Variants in VGLL4 observed in about 807,000 individuals in gnomAD.
The protein encoded by VGLL4 is transcription cofactor vestigial-like protein 4.
VGLL4 carries 7 observed loss-of-function variants against 21.0 expected under a neutral mutation model. The ratio of observed to expected loss-of-function variants is 0.33; its 90% CI spans 0.19 to 0.63. The LOEUF (loss-of-function observed/expected upper bound fraction) is 0.63, where lower values mean the gene tolerates loss of function less well. Ranked by LOEUF, VGLL4 falls within the 20% of genes least tolerant of loss-of-function variation. VGLL4 has a pLI of 0.78. For synonymous variants in VGLL4, 222 were observed against 173.2 expected, an observed-to-expected ratio of 1.28 and a Z score of -2.21; for missense variants, 394 against 425.7, an observed-to-expected ratio of 0.93 and a Z score of 0.66.
intron 2 of VGLL4, among the ~76,000 whole-genome samples, chr3:11,684,730 CTGTG>C (rs61220485): frequency 1.1e-4 from 16 of 148,784 alleles, no homozygotes; most frequent in Middle Eastern, 3.4e-3. Flanking sequence ...CAACCTTTTT[CTGTG>C]TGTGTGTGTG....
intron 2 of VGLL4, among the ~76,000 whole-genome samples, chr3:11,680,176 G>C (rs2076349477): frequency 6.6e-6 from 1 of 152,180 alleles, no homozygotes; most frequent in Admixed American, 6.5e-5. Context: ...GCCTAGGTGT[G>C]CAGTGGGCTG....
intron 2 of VGLL4, among the ~76,000 whole-genome samples, chr3:11,599,312 AGGG>A (rs949675596): frequency 4.6e-5 from 7 of 151,646 alleles, no homozygotes. Context: ...AAGAAAAATG[AGGG>A]GGGAGTCACC....
rs908457065 is a variant in VGLL4 at position 11,557,620 on chromosome 3, A to G, written c.*936T>C. 4 of 152,804 alleles carry G rather than the reference A, an allele frequency of 2.6e-5. No homozygotes were observed. The highest frequency in any genetic ancestry group is 9.6e-5 in the African/African-American group (4 of 41,482). 9.5% of individuals were successfully genotyped at this position (152,804 alleles called of 1,614,324 possible). A position where few individuals can be genotyped will look rare whatever the true frequency, so the allele number is the denominator to read the frequency against. On this transcript the variant is annotated 3_prime_UTR_variant, in exon 5 of 5. Transcript: ENST00000430365. ...GAGTACAACTGTACCAGCAGTAAGTATATCTAGGACTGTAACTGACAAAAA... is the reference window on the plus strand; with the variant it reads ...GAGTACAACTGTACCAGCAGTAAGTGTATCTAGGACTGTAACTGACAAAAA...
chr3:11,642,263 G>A (rs574004294), intron 1 of VGLL4, among the ~76,000 whole-genome samples: 1 of 152,226 alleles, frequency 6.6e-6, no homozygotes, highest in Admixed American at 6.5e-5. Flanking sequence ...TTAAATATGA[G>A]ATCCTCATCC....
In VGLL4 at chr3:11,573,241, A is replaced by AAGAGAG. The variant is rs67676371; in HGVS notation, c.273-8223_273-8222insCTCTCT. 1.7e-5 allele frequency among the ~76,000 whole-genome samples: 2 copies of AAGAGAG among 115,692 alleles called. 1 individual carries two copies. Among genetic ancestry groups the AAGAGAG allele is most frequent in the African/African-American group, 7.5e-5 (2 of 26,832 alleles). The allele number at this position is 115,692 out of a possible 152,430, so 75.9% of individuals were successfully genotyped here. ...GAGAAAGACAGACAGAAAGAAAAGA[A>AAGAGAG]ATAGAGAAAGAAAGAAAGAAAGAAA... is the stretch of plus-strand genomic sequence containing the variant. On this transcript the variant is annotated intron_variant, in intron 2 of 4. Transcript: ENST00000430365.
chr3:11,701,796 A>C (rs2076684291), intron 2 of VGLL4, among the ~76,000 whole-genome samples: 1 of 152,232 alleles, frequency 6.6e-6, no homozygotes, highest in Non-Finnish European at 1.5e-5. Flanking sequence ...ATAATGTATA[A>C]AACGTCAACC....
chr3:11,613,282 A>G (rs1011849394), intron 1 of VGLL4, among the ~76,000 whole-genome samples: 1 of 152,166 alleles, frequency 6.6e-6, no homozygotes, highest in African/African-American at 2.4e-5. Context: ...CTGCATTTTC[A>G]AGACATTCTT....
At chr3:11,629,394 G>A (rs2075428572) in intron 1 of VGLL4, among the ~76,000 whole-genome samples, 1 of 150,938 alleles carries the variant, frequency 6.6e-6, no homozygotes, top group African/African-American at 2.4e-5. Context: ...TCCAATTCCT[G>A]CCTATAAGAT....
chr3:11,717,618 T>C (rs1033948439), intron 1 of VGLL4, among the ~76,000 whole-genome samples: 3 of 150,638 alleles, frequency 2.0e-5, no homozygotes, highest in African/African-American at 7.3e-5. Flanking sequence ...TGGGATTACA[T>C]AGGTGAAACA....
At chr3:11,706,222 A>AC (rs1180362164) in intron 1 of VGLL4, among the ~76,000 whole-genome samples, 1 of 152,160 alleles carries the variant, frequency 6.6e-6, no homozygotes, top group Non-Finnish European at 1.5e-5. Context: ...GAAATCCTAA[A>AC]CCCCCAAGCA....
intron 1 of VGLL4, among the ~76,000 whole-genome samples, chr3:11,603,757 G>A (rs1231070441): frequency 3.3e-5 from 5 of 152,086 alleles, no homozygotes; most frequent in African/African-American, 4.8e-5. Flanking sequence ...TTGGACCCCC[G>A]AACTGTGGTC....
At chr3:11,682,828 C>T (rs1411399529) in intron 2 of VGLL4, among the ~76,000 whole-genome samples, 1 of 152,058 alleles carries the variant, frequency 6.6e-6, no homozygotes, top group Non-Finnish European at 1.5e-5. Context: ...GAAGATTGAA[C>T]AAGAGGACAA....
At position 11,565,660 on chromosome 3, in the gene VGLL4, CCAGGACACACGAG is replaced by C. The variant is rs1213118611; in HGVS notation, c.273-654_273-642del. On this transcript the variant is annotated intron_variant, in intron 2 of 4. Transcript: ENST00000430365. The surrounding 1 kb of genome is among the most constrained non-coding windows in gnomAD (Gnocchi z 4.1). Reference sequence around the variant, plus strand: ...GGGAGCCGGCGCGCAGCTCTCTCGTCCAGGACACACGAGCAGGAGTGACCTGCGTCCAGAAGGT... The same window carrying C: ...GGGAGCCGGCGCGCAGCTCTCTCGTCCAGGAGTGACCTGCGTCCAGAAGGT... Among the ~76,000 whole-genome samples the C allele has an allele frequency of 1.3e-5, 2 of 152,200 alleles. No individual in the cohort carries two copies. The highest frequency in any genetic ancestry group is 2.9e-5 in the Non-Finnish European group (2 of 68,034).
intron 2 of VGLL4, among the ~76,000 whole-genome samples, chr3:11,658,463 G>C (rs1027766839): frequency 2.0e-5 from 3 of 151,756 alleles, no homozygotes; most frequent in Non-Finnish European, 4.4e-5. Flanking sequence ...CTGTAAAACG[G>C]AAGCCTTCTT....
chr3:11,682,429 A>G (rs2076388829), intron 2 of VGLL4, among the ~76,000 whole-genome samples: 1 of 128,762 alleles, frequency 7.8e-6, no homozygotes, highest in Non-Finnish European at 1.7e-5. Flanking sequence ...AAAAAAAAAA[A>G]TAGGCAGGTG....
At chr3:11,655,709 A>G (rs934237170) in intron 2 of VGLL4, among the ~76,000 whole-genome samples, 4 of 152,178 alleles carry the variant, frequency 2.6e-5, no homozygotes, top group African/African-American at 9.7e-5. Flanking sequence ...GCCGGAGGAA[A>G]CAGTGGGGTT....
At chr3:11,687,714 A>G (rs1475021371) in intron 2 of VGLL4, among the ~76,000 whole-genome samples, 1 of 152,202 alleles carries the variant, frequency 6.6e-6, no homozygotes, top group Non-Finnish European at 1.5e-5. Flanking sequence ...TAAGTCTCTA[A>G]TCAGTCCTAG....
At chr3:11,601,631 C>T (rs1454298264) in intron 2 of VGLL4, among the ~76,000 whole-genome samples, 2 of 152,176 alleles carry the variant, frequency 1.3e-5, no homozygotes, top group Non-Finnish European at 2.9e-5. Flanking sequence ...TGGAGGGAAG[C>T]CAGACTTCCA....
intron 1 of VGLL4, among the ~76,000 whole-genome samples, chr3:11,616,469 G>A (rs2075165722): frequency 6.6e-6 from 1 of 152,154 alleles, no homozygotes; most frequent in South Asian, 2.1e-4. Flanking sequence ...TCCTTTCCTA[G>A]AGCAGGCTCC....
Sources: allele counts gnomAD v4.1 joint callset (sites outside exome capture counted in the v4.1 genomes callset), GRCh38; gene constraint gnomAD v4.1.1; non-coding constraint Gnocchi (gnomAD v3.1); transcripts MANE v1.5; gene names NCBI Gene and HGNC (gene_info 2026-07-23, HGNC 2026-07-21).